The following GON4L variants were observed in gnomAD, a reference collection of about 807,000 sequenced individuals.
GON4L encodes GON-4-like protein.
GON4L carries 87 observed loss-of-function variants against 211.8 expected under a neutral mutation model. The ratio of observed to expected loss-of-function variants is 0.41; its 90% confidence interval spans 0.35 to 0.49. GON4L has a LOEUF of 0.49. Among genes scored for constraint, GON4L ranks in the 20% least tolerant of loss-of-function variants. GON4L has a pLI of 0.15. For missense variants in GON4L, 2,155 were observed against 2,659.5 expected, an observed-to-expected ratio of 0.81 and a Z score of 4.17; for synonymous variants, 875 against 962.6, an observed-to-expected ratio of 0.91 and a Z score of 1.68.
At chr1:155,831,497 AT>A (rs1557911681) in intron 2 of GON4L, 2 of 144,460 alleles carry the variant, frequency 1.4e-5, no homozygotes, top group East Asian at 2.1e-4. Flanking sequence ...AAATAAATAA[AT>A]AAAAAGTTAT....
At chr1:155,746,167 GC>G, downstream of GON4L, 1 of 916,232 alleles carries the variant, frequency 1.1e-6, no homozygotes, top group Non-Finnish European at 1.6e-6. Flanking sequence ...GTTAGCCGAT[GC>G]CCCTTATTTC....
intron 3 of GON4L, among the ~76,000 whole-genome samples, chr1:155,826,405 A>G (rs924222558): frequency 6.6e-6 from 1 of 151,840 alleles, no homozygotes; most frequent in Non-Finnish European, 1.5e-5. Context: ...TCTCTACTAA[A>G]AATACAAAAA....
At chr1:155,770,899 C>T (rs922820515) in intron 19 of GON4L, among the ~76,000 whole-genome samples, 168 bp downstream of exon 19, 2 of 152,204 alleles carry the variant, frequency 1.3e-5, no homozygotes, top group Non-Finnish European at 2.9e-5. Flanking sequence ...AAGTGGAATA[C>T]TGCCAGCGGA....
chr1:155,794,866 T>C (rs1053589028), intron 12 of GON4L, among the ~76,000 whole-genome samples, 184 bp downstream of exon 12: 6 of 152,162 alleles, frequency 3.9e-5, no homozygotes, highest in African/African-American at 1.4e-4. Context: ...GATATACAAA[T>C]GAATAACTGA....
chr1:155,798,832 G>T (rs1256198070), intron 11 of GON4L, among the ~76,000 whole-genome samples: 1 of 152,014 alleles, frequency 6.6e-6, no homozygotes, highest in Non-Finnish European at 1.5e-5. Context: ...AACTGCAATA[G>T]ATAGTTCTGC....
At position 155,774,996 on chromosome 1, in the gene GON4L, T is replaced by C. The variant is rs1453933379; in HGVS notation, c.2350+6A>G. ...AAAACTTAAAGCTGACACATCTGTC[T>C]CCTACCAGTCTTCTTGACAGTTTTA... is the stretch of plus-strand genomic sequence containing the variant. On this transcript the variant is annotated splice_donor_region_variant and intron_variant, in intron 17 of 31. Coordinates refer to ENST00000368331, the MANE Select transcript of GON4L (RefSeq NM_001282860.2). 6.2e-7 allele frequency: 1 copy of C among 1,607,172 alleles called. No homozygotes were observed. Among genetic ancestry groups the C allele is most frequent in the East Asian group, 2.2e-5 (1 of 44,852 alleles).
At chr1:155,856,016 A>G (rs1193271517) in intron 1 of GON4L, among the ~76,000 whole-genome samples, 2 of 142,552 alleles carry the variant, frequency 1.4e-5, no homozygotes, top group African/African-American at 5.2e-5. Flanking sequence ...AAGGCATCTT[A>G]TTACCCAGGA....
chr1:155,754,420 C>G lies in GON4L; in HGVS notation c.5586G>C (p.Lys1862Asn). Residue 1862 changes from lysine to asparagine, a missense_variant, in exon 28 of 32, where the codon AAG becomes AAC. Lys to Asn is a moderately conservative substitution (Grantham distance 94). Coordinates refer to ENST00000368331, the MANE Select transcript of GON4L (RefSeq NM_001282860.2). ...AGCTCCGCCTTTTGCTCTTCTTCAG[C>G]TTGGAATCTGGACCTCCTTCATGGC... The part of the protein sequence containing the change: ...CSCHEGGPDS[K>N]LKKSKRRSCS... 6.2e-7 allele frequency: 1 copy of G among 1,613,318 alleles called. No individual in the cohort carries two copies. The highest frequency in any genetic ancestry group is 8.5e-7 in the Non-Finnish European group (1 of 1,179,574).
intron 2 of GON4L, among the ~76,000 whole-genome samples, chr1:155,837,377 G>A (rs1670406505): frequency 6.6e-6 from 1 of 152,174 alleles, no homozygotes; most frequent in Non-Finnish European, 1.5e-5. Context: ...GACACGCCCT[G>A]AACAACAACC....
intron 2 of GON4L, chr1:155,845,692 C>A: frequency 3.3e-6 from 1 of 300,752 alleles, no homozygotes; most frequent in South Asian, 3.7e-5. Flanking sequence ...ACACTGCCTT[C>A]AATGAAATCA....
chr1:155,829,404 G>C (rs1284534427), intron 2 of GON4L, among the ~76,000 whole-genome samples: 1 of 151,890 alleles, frequency 6.6e-6, no homozygotes, highest in Non-Finnish European at 1.5e-5. Context: ...TCAGGAGTTT[G>C]AGACCATGCT....
Position 155,773,179 on chromosome 1 carries a change from C to T in GON4L, c.2382G>A (p.Val794=). The T allele has an allele frequency of 6.2e-7, 1 of 1,614,096 alleles. No individual in the cohort carries two copies. ...ANEFPCLPKQ[V]AWILATSKVF... ...CCTTGCTTGTGGCCAGAATCCAAGC[C>T]ACTTGCTTTGGCAAACAGGGAAATT... Residue 794 remains valine, a synonymous_variant, in exon 18 of 32, where the codon GTG becomes GTA. Transcript: ENST00000368331.
intron 5 of GON4L, among the ~76,000 whole-genome samples, 199 bp downstream of exon 5, chr1:155,821,274 AT>A (rs200007462): frequency 1.0e-3 from 153 of 151,400 alleles, no homozygotes; most frequent in African/African-American, 3.6e-3. Flanking sequence ...TCAAAAAAAA[AT>A]AATAATAATA....
At chr1:155,854,213 G>A (rs1003461860) in intron 1 of GON4L, among the ~76,000 whole-genome samples, 7 of 152,218 alleles carry the variant, frequency 4.6e-5, no homozygotes, top group South Asian at 2.1e-4. Context: ...GTACAGTGGC[G>A]CAATCTCGGT....
intron 2 of GON4L, among the ~76,000 whole-genome samples, chr1:155,844,253 T>C (rs1671029067): frequency 6.6e-6 from 1 of 151,846 alleles, no homozygotes; most frequent in South Asian, 2.1e-4. Flanking sequence ...CTGGACTCTT[T>C]GGCAATTGTA....
chr1:155,822,397 T>C lies in GON4L; in HGVS notation c.777A>G (p.Gln259=). The C allele has an allele frequency of 6.2e-7, 1 of 1,613,844 alleles. No individual in the cohort carries two copies. Among genetic ancestry groups the C allele is most frequent in the Non-Finnish European group, 8.5e-7 (1 of 1,179,706 alleles). The change falls in exon 4 of 32, where the codon CAA becomes CAG. Residue 259 remains glutamine, a synonymous_variant. Coordinates refer to ENST00000368331, the MANE Select transcript of GON4L (RefSeq NM_001282860.2). ...TCAGGTCATATGCCAAGGTCCCTTC[T>C]TGACCCCTTCCATCTCGTTTCCTCT... ...GTKRKRDGRG[Q]EGTLAYDLKL... is the part of the protein sequence containing the mutation.
intron 2 of GON4L, among the ~76,000 whole-genome samples, chr1:155,833,738 G>GGGAGGAGAGGA (rs1553217483): frequency 1.5e-5 from 1 of 66,466 alleles, no homozygotes; most frequent in East Asian, 5.0e-4. Flanking sequence ...GGGAGGAGAG[G>GGGAGGAGAGGA]GGAGGAGAGG....
Position 155,765,286 on chromosome 1 carries a change from G to T in GON4L, c.4187C>A (p.Pro1396His), listed in dbSNP as rs754910616. ...TGTCCCTGAGGTTCCTTCATCAGGG[G>T]GCTCTTGAGAAGATGAAGGGGTTTT... ...PTKTPSSSQEPPDEGTSGTDV... is the reference protein window; with the variant it reads ...PTKTPSSSQEHPDEGTSGTDV... The change falls in exon 21 of 32, where the codon CCC (proline) becomes CAC (histidine). Residue 1396 changes from proline (P) to histidine (H), a missense_variant. Around this residue, in one of 6 missense-constraint regions of GON4L, gnomAD observed 615 missense variants for 625.7 expected, o/e 0.98. Transcript: ENST00000368331. 12 of 1,613,976 alleles carry T rather than the reference G, an allele frequency of 7.4e-6. No homozygotes were observed. In the East Asian group the frequency reaches 8.9e-5, roughly 12 times the overall value.
At chr1:155,800,744 C>CT (rs1340611831) in intron 11 of GON4L, among the ~76,000 whole-genome samples, 1 of 150,504 alleles carries the variant, frequency 6.6e-6, no homozygotes, top group African/African-American at 2.4e-5. Flanking sequence ...CCCAGCTACT[C>CT]TGGAGGCTGA....
Sources: allele counts gnomAD v4.1 joint callset (sites outside exome capture counted in the v4.1 genomes callset), GRCh38; gene constraint gnomAD v4.1.1; regional missense constraint gnomAD v4.1.1; transcripts MANE v1.5; gene names NCBI Gene and HGNC (gene_info 2026-07-23, HGNC 2026-07-21).